Variants in PLXNA2 observed in about 807,000 individuals in gnomAD.
The protein encoded by PLXNA2 is plexin A2.
In PLXNA2, 91 loss-of-function variants were observed where a neutral mutation model predicts 193.5. The observed-to-expected ratio is 0.47, with a 90% confidence interval of 0.40 to 0.56. The LOEUF (loss-of-function observed/expected upper bound fraction) is 0.56. Among genes scored for constraint, PLXNA2 ranks in the 20% least tolerant of loss-of-function variants. The pLI is 0.00. For missense variants in PLXNA2, 1,995 were observed against 2,503.2 expected (o/e 0.80, Z 4.33); for synonymous variants, 997 against 1,027.3 (o/e 0.97, Z 0.56).
At chr1:208,051,462 T>C (rs754676680) in intron 15 of PLXNA2, 39 bp from the exon 16 acceptor site, 1 of 1,583,446 alleles carries the variant, frequency 6.3e-7, no homozygotes. Flanking sequence ...AAGAAAGGCA[T>C]GGGCAACAAG....
intron 12 of PLXNA2, among the ~76,000 whole-genome samples, chr1:208,078,395 T>G (rs1666228094): frequency 6.6e-6 from 1 of 152,158 alleles, no homozygotes; most frequent in Non-Finnish European, 1.5e-5. Flanking sequence ...TTGCTTTCCT[T>G]GGCCAGCAGG....
At chr1:208,090,497 C>T (rs913405791) in intron 9 of PLXNA2, among the ~76,000 whole-genome samples, 7 of 152,164 alleles carry the variant, frequency 4.6e-5, no homozygotes, top group African/African-American at 9.7e-5. Context: ...CAGTGACTTC[C>T]GAATGGTGTG....
Position 208,199,992 on chromosome 1 carries a change from G to C in PLXNA2, c.1371+10288C>G, listed in dbSNP as rs181728932. ...TTGATAGCGTCAATCTTATCCCCTG[G>C]GGGCCTTAACCCCAATTCCCCAGCC... is the stretch of plus-strand genomic sequence containing the variant. On this transcript the variant is annotated intron_variant, in intron 3 of 31. Coordinates refer to ENST00000367033, the MANE Select transcript of PLXNA2 (RefSeq NM_025179.4). 6.2e-4 allele frequency among the ~76,000 whole-genome samples: 95 copies of C among 152,294 alleles called. 1 individual carries two copies. Among genetic ancestry groups the C allele is most frequent in the East Asian group, 9.6e-4 (5 of 5,186 alleles).
chr1:208,136,724 C>T (rs1668312479), intron 4 of PLXNA2, among the ~76,000 whole-genome samples: 1 of 152,156 alleles, frequency 6.6e-6, no homozygotes, highest in Non-Finnish European at 1.5e-5. Flanking sequence ...CCAGAGGCTT[C>T]TGAGGCAGCG....
intron 3 of PLXNA2, among the ~76,000 whole-genome samples, chr1:208,159,472 C>G (rs987776416): frequency 6.6e-6 from 1 of 152,204 alleles, no homozygotes; most frequent in African/African-American, 2.4e-5. Flanking sequence ...TGCCCCTGCT[C>G]TTTGCACAAT....
intron 3 of PLXNA2, among the ~76,000 whole-genome samples, chr1:208,180,078 T>C (rs1194815747): frequency 1.3e-5 from 2 of 151,944 alleles, no homozygotes; most frequent in African/African-American, 4.8e-5. Flanking sequence ...AGGCCCCCTG[T>C]CATCACATGC....
At chr1:208,030,956 A>T in intron 29 of PLXNA2, 3 of 986,444 alleles carry the variant, frequency 3.0e-6, no homozygotes, top group Non-Finnish European at 3.6e-6. Context: ...TGCAGAGATG[A>T]CTTTAGGGGA....
chr1:208,086,789 C>CAAAAAAA (rs11355579), intron 9 of PLXNA2, among the ~76,000 whole-genome samples: 1 of 125,876 alleles, frequency 7.9e-6, no homozygotes. Context: ...TATTTATAGC[C>CAAAAAAA]AAAAAAAAAA....
At position 208,031,710 on chromosome 1, in the gene PLXNA2, G is replaced by A; in HGVS notation, c.5105C>T (p.Thr1702Ile). 1 of 1,613,252 alleles carries A rather than the reference G, an allele frequency of 6.2e-7. No homozygotes were observed. Among genetic ancestry groups the A allele is most frequent in the Non-Finnish European group, 8.5e-7 (1 of 1,179,802 alleles). The change falls in exon 29 of 32, where the codon ACT becomes ATT. Residue 1702 changes from threonine to isoleucine, a missense_variant. This residue lies in a region of PLXNA2 where 1,291 missense variants were observed against 1,673.6 expected (regional missense o/e 0.77). Coordinates refer to ENST00000367033, the MANE Select transcript of PLXNA2 (RefSeq NM_025179.4). ...VDDLFETLFS[T>I]VHRGSALPLA... ...GGGGAGAGCGCTGCCCCGGTGCACAGTGCTGAACAAGGTCTCAAACAAGTC... is the reference window on the plus strand; with the variant it reads ...GGGGAGAGCGCTGCCCCGGTGCACAATGCTGAACAAGGTCTCAAACAAGTC...
intron 12 of PLXNA2, 67 bp from the exon 13 acceptor site, chr1:208,060,904 C>G: frequency 6.7e-7 from 1 of 1,503,740 alleles, no homozygotes; most frequent in African/African-American, 1.4e-5. Flanking sequence ...GCACCCTTCC[C>G]CCTCCCCCAG....
intron 22 of PLXNA2, among the ~76,000 whole-genome samples, chr1:208,040,766 G>C (rs910389771): frequency 6.6e-6 from 1 of 152,206 alleles, no homozygotes; most frequent in Non-Finnish European, 1.5e-5. Flanking sequence ...TGTCATGTGG[G>C]GTCTTGGATC....
rs374600930 is a variant in PLXNA2 at position 208,023,914 on chromosome 1, G to A, written c.*3329C>T. 2.0e-5 allele frequency: 3 copies of A among 152,228 alleles called. No homozygotes were observed. The highest frequency in any genetic ancestry group is 7.2e-5 in the African/African-American group (3 of 41,452). 9.4% of individuals were successfully genotyped at this position (152,228 alleles called of 1,614,324 possible). On this transcript the variant is annotated 3_prime_UTR_variant, in exon 32 of 32. Coordinates refer to ENST00000367033, the MANE Select transcript of PLXNA2 (RefSeq NM_025179.4). ...CAGCTGATCCATGCTTTTAATGACTGAACTCTGTAAAGAGGGGAACCCTCT... is the reference window on the plus strand; with the variant it reads ...CAGCTGATCCATGCTTTTAATGACTAAACTCTGTAAAGAGGGGAACCCTCT...
At chr1:208,199,552 G>A (rs767073476) in intron 3 of PLXNA2, among the ~76,000 whole-genome samples, 7 of 152,090 alleles carry the variant, frequency 4.6e-5, no homozygotes, top group African/African-American at 7.2e-5. Flanking sequence ...TTAACTGGGC[G>A]TGGTGGCATG....
chr1:208,113,057 A>C (rs1461421624), intron 4 of PLXNA2, among the ~76,000 whole-genome samples: 1 of 151,568 alleles, frequency 6.6e-6, no homozygotes. Flanking sequence ...TCTCCATGAC[A>C]ACAGTGGATT....
Position 208,187,079 on chromosome 1 carries a change from A to C in PLXNA2, c.1371+23201T>G, listed in dbSNP as rs565221878. Among the ~76,000 whole-genome samples the C allele has an allele frequency of 4.1e-4, 62 of 152,246 alleles. No individual in the cohort carries two copies. In the South Asian group the frequency reaches 0.013, roughly 31 times the overall value. On this transcript the variant is annotated intron_variant, in intron 3 of 31. Coordinates refer to ENST00000367033, the MANE Select transcript of PLXNA2 (RefSeq NM_025179.4). ...GGAAGGTGGGGGAGGGACAAGAGACATTTTTCAGTTTTTTTGCAGACCTAA... is the reference window on the plus strand; with the variant it reads ...GGAAGGTGGGGGAGGGACAAGAGACCTTTTTCAGTTTTTTTGCAGACCTAA...
rs149522968 is a variant in PLXNA2 at position 208,150,327 on chromosome 1, G to T, written c.1372-7864C>A. On this transcript the variant is annotated intron_variant, in intron 3 of 31. Coordinates refer to ENST00000367033, the MANE Select transcript of PLXNA2 (RefSeq NM_025179.4). Reference sequence around the variant, plus strand: ...ATTTCTATTTCTGTCCATGTTAAGAGTCTGCCCTAGATATTCAACTAGGGG... The same window carrying T: ...ATTTCTATTTCTGTCCATGTTAAGATTCTGCCCTAGATATTCAACTAGGGG... Among the ~76,000 whole-genome samples the T allele has an allele frequency of 8.8e-4, 134 of 152,242 alleles. 1 individual carries two copies. Among genetic ancestry groups the T allele is most frequent in the African/African-American group, 3.1e-3 (130 of 41,538 alleles).
At chr1:208,161,646 C>T (rs1669108707) in intron 3 of PLXNA2, among the ~76,000 whole-genome samples, 1 of 152,144 alleles carries the variant, frequency 6.6e-6, no homozygotes, top group South Asian at 2.1e-4. Context: ...CTCTGAGCCT[C>T]AGCTTCATCC....
chr1:208,203,401 A>G (rs2590698), intron 3 of PLXNA2, among the ~76,000 whole-genome samples: 147,654 of 152,234 alleles, frequency 0.97, 71,760 homozygotes, highest in Middle Eastern at 1. Context: ...TTAGGGTATC[A>G]GATGGGCGGT....
chr1:208,048,475 T>TA (rs765930503), intron 17 of PLXNA2, among the ~76,000 whole-genome samples: 6 of 152,180 alleles, frequency 3.9e-5, no homozygotes, highest in Non-Finnish European at 8.8e-5. Flanking sequence ...AGCCTGTAGA[T>TA]ACCAGGCAGG....
Sources: allele counts gnomAD v4.1 joint callset (sites outside exome capture counted in the v4.1 genomes callset), GRCh38; gene constraint gnomAD v4.1.1; regional missense constraint gnomAD v4.1.1; transcripts MANE v1.5; gene names NCBI Gene and HGNC (gene_info 2026-07-23, HGNC 2026-07-21).